RNF125: variants seen among roughly 807,000 people sequenced by gnomAD.
RNF125 encodes the protein ring finger protein 125.
A neutral mutation model predicts 26.0 loss-of-function variants in RNF125; 21 were observed. The observed-to-expected ratio is 0.81, with a 90% CI of 0.57 to 1.16. RNF125 has a LOEUF of 1.16. Ranked by LOEUF, RNF125 falls within the 50% of genes most tolerant of loss-of-function variation. The pLI is 0.00. For synonymous variants in RNF125, 95 were observed against 109.2 expected (o/e 0.87, Z 0.81); for missense variants, 270 against 299.4 (o/e 0.90, Z 0.72).
chr18:32,037,350 C>A, intron 2 of RNF125, 81 bp downstream of exon 2: 5 of 684,068 alleles, frequency 7.3e-6, no homozygotes, highest in East Asian at 3.3e-5. Context: ...TGCTTCTGAC[C>A]CCATGGTACG....
intron 4 of RNF125, among the ~76,000 whole-genome samples, chr18:32,046,399 A>C (rs769831869): frequency 6.6e-6 from 1 of 151,858 alleles, no homozygotes; most frequent in African/African-American, 2.4e-5. Context: ...GATTGAGACC[A>C]TCCTGGCTAA....
At chr18:32,061,614 T>C (rs79700416) in intron 4 of RNF125, among the ~76,000 whole-genome samples, 238 of 152,326 alleles carry the variant, frequency 1.6e-3, no homozygotes, top group African/African-American at 5.5e-3. Context: ...CCACGTTGAT[T>C]CCTCTGCTGT....
chr18:32,061,090 T>G (rs895170592), intron 4 of RNF125, among the ~76,000 whole-genome samples: 1 of 152,204 alleles, frequency 6.6e-6, no homozygotes, highest in African/African-American at 2.4e-5. Flanking sequence ...AGTGGTGCGA[T>G]CTCGGCTCAC....
intron 4 of RNF125, among the ~76,000 whole-genome samples, chr18:32,058,377 G>A (rs1477011475): frequency 6.6e-6 from 1 of 151,304 alleles, no homozygotes; most frequent in Non-Finnish European, 1.5e-5. Context: ...AGGGAGTCTC[G>A]TTCTGTCGCC....
intron 4 of RNF125, among the ~76,000 whole-genome samples, chr18:32,058,086 C>T (rs1285329707): frequency 7.1e-6 from 1 of 140,954 alleles, no homozygotes; most frequent in Admixed American, 7.4e-5. Flanking sequence ...GAGCCATGAT[C>T]ATACCATTGC....
At chr18:32,082,817 T>G in the RNF125 span, among the ~76,000 whole-genome samples, 1 of 152,230 alleles carries the variant, frequency 6.6e-6, no homozygotes, top group Non-Finnish European at 1.5e-5. Flanking sequence ...AATGTCCCAG[T>G]TCCTTGGAGA....
At chr18:32,047,890 C>A (rs945433618) in intron 4 of RNF125, among the ~76,000 whole-genome samples, 2 of 152,114 alleles carry the variant, frequency 1.3e-5, no homozygotes, top group Admixed American at 6.6e-5. Context: ...CTTTGGGAGG[C>A]CAAGTGGGCA....
At chr18:32,041,620 C>CTTTTTTTTTTTTTTTTTT (rs60264747) in intron 2 of RNF125, among the ~76,000 whole-genome samples, 1 of 93,280 alleles carries the variant, frequency 1.1e-5, no homozygotes. Flanking sequence ...AATGTAGATG[C>CTTTTTTTTTTTTTTTTTT]TTTTTTTTTT....
Position 32,072,759 on chromosome 18 carries a change from A to C in RNF125, c.*4375A>C, listed in dbSNP as rs975572685. The C allele has an allele frequency of 6.6e-6, 1 of 152,214 alleles. No individual in the cohort carries two copies. The highest frequency in any genetic ancestry group is 2.4e-5 in the African/African-American group (1 of 41,456). The allele number at this position is 152,214 out of a possible 1,614,324, so 9.4% of individuals were successfully genotyped here. ...TAGTGCTTCAGGATACAACTTTTTC[A>C]GGGCCTTATTAGAGAAAAACTGATT... On this transcript the variant is annotated 3_prime_UTR_variant, in exon 6 of 6. Transcript: ENST00000217740.
At chr18:32,045,306 C>A (rs1229840466) in intron 3 of RNF125, among the ~76,000 whole-genome samples, 1 of 151,996 alleles carries the variant, frequency 6.6e-6, no homozygotes, top group Admixed American at 6.6e-5. Flanking sequence ...CGCCTGTAAT[C>A]CCAGCACTTT....
intron 1 of RNF125, among the ~76,000 whole-genome samples, chr18:32,031,910 T>G (rs925248652): frequency 1.1e-4 from 17 of 152,036 alleles, no homozygotes; most frequent in Non-Finnish European, 1.6e-4. Flanking sequence ...TCTTTTTTTT[T>G]TGAGAGAGAG....
chr18:32,051,935 G>T (rs1461295928), intron 4 of RNF125, among the ~76,000 whole-genome samples: 1 of 151,282 alleles, frequency 6.6e-6, no homozygotes, highest in Non-Finnish European at 1.5e-5. Context: ...TGATCTGCCC[G>T]CCTCAGCCTC....
At chr18:32,076,618 T>C (rs565391626), downstream of RNF125, among the ~76,000 whole-genome samples, 1 of 152,268 alleles carries the variant, frequency 6.6e-6, no homozygotes, top group East Asian at 1.9e-4. Context: ...GCCTCCATTA[T>C]TATGAGAATA....
intron 1 of RNF125, among the ~76,000 whole-genome samples, chr18:32,020,779 C>G (rs558774853): frequency 9.8e-4 from 149 of 151,612 alleles, no homozygotes; most frequent in Non-Finnish European, 1.7e-3. Flanking sequence ...TGTGGTGACC[C>G]GTGCCTGTAA....
chr18:32,026,105 C>T (rs2039032320), intron 1 of RNF125, among the ~76,000 whole-genome samples: 1 of 144,596 alleles, frequency 6.9e-6, no homozygotes, highest in African/African-American at 2.6e-5. Flanking sequence ...TGCTCTGTTG[C>T]CCACGCTGGA....
intron 4 of RNF125, among the ~76,000 whole-genome samples, chr18:32,058,624 G>A (rs556250116): frequency 1.3e-5 from 2 of 152,278 alleles, no homozygotes; most frequent in Middle Eastern, 3.4e-3. Context: ...GGGATTTCAG[G>A]CGTGAGCCCC....
chr18:32,076,013 AT>A, downstream of RNF125: 1 of 891,994 alleles, frequency 1.1e-6, no homozygotes, highest in Non-Finnish European at 1.9e-6. Flanking sequence ...TTATTCTGCC[AT>A]TTTTCTAGAT....
At chr18:32,087,458 C>G in the RNF125 span, among the ~76,000 whole-genome samples, 1 of 151,690 alleles carries the variant, frequency 6.6e-6, no homozygotes, top group Non-Finnish European at 1.5e-5. Flanking sequence ...GGGCCCCCAA[C>G]CTGTGGGATC....
At chr18:32,077,030 C>T (rs531674636), downstream of RNF125, among the ~76,000 whole-genome samples, 3 of 152,112 alleles carry the variant, frequency 2.0e-5, no homozygotes, top group South Asian at 6.2e-4. Context: ...GTTATTTCCT[C>T]TCTCTAGAAT....
Sources: allele counts gnomAD v4.1 joint callset (sites outside exome capture counted in the v4.1 genomes callset), GRCh38; gene constraint gnomAD v4.1.1; transcripts MANE v1.5; gene names NCBI Gene and HGNC (gene_info 2026-07-23, HGNC 2026-07-21).